CAMTA1: variants seen among roughly 807,000 people sequenced by gnomAD.
CAMTA1 encodes calmodulin-binding transcription activator 1.
A neutral mutation model predicts 170.9 loss-of-function variants in CAMTA1; 27 were observed. The observed-to-expected ratio is 0.16, with a 90% confidence interval of 0.12 to 0.22. The LOEUF (loss-of-function observed/expected upper bound fraction) is 0.22. Among genes scored for constraint, CAMTA1 ranks in the 10% least tolerant of loss-of-function variants. The pLI is 1.00. For synonymous variants in CAMTA1, 833 were observed against 891.5 expected (o/e 0.93, Z 1.17); for missense variants, 1,619 against 2,217.2 (o/e 0.73, Z 5.42).
intron 6 of CAMTA1, among the ~76,000 whole-genome samples, chr1:7,573,225 G>T (rs1183754491): frequency 6.6e-6 from 1 of 152,166 alleles, no homozygotes; most frequent in Non-Finnish European, 1.5e-5. Context: ...CCAGGGCCCT[G>T]CTCCCCAGAA....
chr1:7,625,220 C>G (rs76888273), intron 6 of CAMTA1, among the ~76,000 whole-genome samples: 4,850 of 152,278 alleles, frequency 0.032, 262 homozygotes, highest in African/African-American at 0.11. Flanking sequence ...AAAGGCAGAC[C>G]AGTCAGGAGG....
At chr1:7,727,335 G>A (rs1213078335) in intron 11 of CAMTA1, among the ~76,000 whole-genome samples, 3 of 152,120 alleles carry the variant, frequency 2.0e-5, no homozygotes, top group Non-Finnish European at 4.4e-5. Context: ...TGTTAGCCAG[G>A]ATGGTCTGGA....
At chr1:7,714,418 G>A (rs1422488780) in intron 11 of CAMTA1, among the ~76,000 whole-genome samples, 2 of 152,166 alleles carry the variant, frequency 1.3e-5, no homozygotes, top group Non-Finnish European at 2.9e-5. Context: ...GAATCGCTTC[G>A]ATGAAATGGT....
intron 5 of CAMTA1, chr1:7,382,845 TAGATAGATAGATAG>T (rs2087494867): frequency 9.7e-6 from 1 of 103,216 alleles, no homozygotes. Flanking sequence ...GATAGATAGA[TAGATAGATAGATAG>T]ATAGATAGAT....
At chr1:7,425,027 A>G (rs2091801203) in intron 5 of CAMTA1, among the ~76,000 whole-genome samples, 1 of 152,102 alleles carries the variant, frequency 6.6e-6, no homozygotes, top group African/African-American at 2.4e-5. Flanking sequence ...CTGTGCCCTT[A>G]GACCTGAGAG....
intron 4 of CAMTA1, among the ~76,000 whole-genome samples, chr1:7,143,912 T>C (rs1646030767): frequency 6.6e-6 from 1 of 152,236 alleles, no homozygotes; most frequent in Non-Finnish European, 1.5e-5. Flanking sequence ...AAATAGTTTC[T>C]ATTCAAGTTC....
At chr1:7,219,125 T>C (rs1660267171) in intron 4 of CAMTA1, among the ~76,000 whole-genome samples, 4 of 152,342 alleles carry the variant, frequency 2.6e-5, no homozygotes, top group Non-Finnish European at 1.5e-5. Context: ...AGGTGAAGTG[T>C]CTCCCCTGTA....
rs1396827077 is a variant in CAMTA1, at chr1:7,044,837, T to C, written c.235-46467T>C. On this transcript the variant is annotated intron_variant, in intron 3 of 22. Transcript: ENST00000303635. This position sits in a 1 kb window ranked among gnomAD's most constrained non-coding sequence, Gnocchi z 5.0. ...CCTCCTCTTCCCGCCTGTGGTTTTC[T>C]TTCCCATTCCTGTCTGCCAGCAGTG... 6.6e-6 allele frequency among the ~76,000 whole-genome samples: 1 copy of C among 150,432 alleles called. No homozygotes were observed. Among genetic ancestry groups the C allele is most frequent in the Non-Finnish European group, 1.5e-5 (1 of 67,636 alleles).
intron 4 of CAMTA1, among the ~76,000 whole-genome samples, chr1:7,114,752 C>T (rs952643772): frequency 4.3e-5 from 6 of 140,360 alleles, no homozygotes; most frequent in East Asian, 4.3e-4. Context: ...AGTCTGAGTC[C>T]GAAAACCTGA....
rs1460432437 is a variant in CAMTA1, at chr1:7,456,444, T to C, written c.439-11386T>C. ...GGAATTTCACTTTATTTATATATTA[T>C]TTATGCCCAGTACTTTTAGGAAGTA... On this transcript the variant is annotated intron_variant, in intron 5 of 22. Transcript: ENST00000303635. The surrounding 1 kb of genome is among the most constrained non-coding windows in gnomAD (Gnocchi z 4.9). Among the ~76,000 whole-genome samples, 2 of 152,210 alleles carry C rather than the reference T, an allele frequency of 1.3e-5. No individual in the cohort carries two copies. The highest frequency in any genetic ancestry group is 2.9e-5 in the Non-Finnish European group (2 of 68,042).
At chr1:6,924,926 T>G (rs1370491530) in intron 3 of CAMTA1, among the ~76,000 whole-genome samples, 1 of 152,242 alleles carries the variant, frequency 6.6e-6, no homozygotes, top group Non-Finnish European at 1.5e-5. Context: ...TTTTTTCATG[T>G]GACATTGGTG....
chr1:7,605,618 CCCTTTGTG>C (rs2095480132), intron 6 of CAMTA1, among the ~76,000 whole-genome samples: 1 of 152,210 alleles, frequency 6.6e-6, no homozygotes, highest in African/African-American at 2.4e-5. Flanking sequence ...AATTCCCTGA[CCCTTTGTG>C]CTTCCCAGGT....
chr1:7,475,981 C>T (rs545740900), intron 6 of CAMTA1, among the ~76,000 whole-genome samples: 1 of 152,192 alleles, frequency 6.6e-6, no homozygotes, highest in South Asian at 2.1e-4. Context: ...ATGTGCTGGC[C>T]TCACAGGGAC....
At chr1:7,261,556 G>A (rs537638176) in intron 5 of CAMTA1, among the ~76,000 whole-genome samples, 8 of 152,328 alleles carry the variant, frequency 5.3e-5, no homozygotes, top group South Asian at 2.1e-4. Context: ...CAACAAGGCC[G>A]CCAAGCACAT....
In CAMTA1 at chr1:7,562,374, CT is replaced by C. The variant is rs778381890; in HGVS notation, c.511-78025del. On this transcript the variant is annotated intron_variant, in intron 6 of 22. Coordinates refer to ENST00000303635, the MANE Select transcript of CAMTA1 (RefSeq NM_015215.4). The surrounding 1 kb of genome is among the most constrained non-coding windows in gnomAD (Gnocchi z 4.8). ...AGTGTAACTCAGTTGGGTATCAGGG[CT>C]GGTGGCAGCAGCAGGGCAGGCCGCG... Among the ~76,000 whole-genome samples the C allele has an allele frequency of 1.4e-4, 21 of 152,224 alleles. No individual in the cohort carries two copies. Among genetic ancestry groups the C allele is most frequent in the Non-Finnish European group, 3.1e-4 (21 of 68,036 alleles).
chr1:7,359,661 GCAGATGGGC>G (rs1427907232), intron 5 of CAMTA1, among the ~76,000 whole-genome samples: 2 of 152,192 alleles, frequency 1.3e-5, no homozygotes, highest in Non-Finnish European at 1.5e-5. Flanking sequence ...GAGGCAGTCT[GCAGATGGGC>G]CAGTGGACCA....
intron 5 of CAMTA1, among the ~76,000 whole-genome samples, chr1:7,440,651 G>A (rs539202145): frequency 6.6e-6 from 1 of 152,258 alleles, no homozygotes; most frequent in African/African-American, 2.4e-5. Context: ...TGAAGGTGTG[G>A]TCCCCGGATC....
intron 6 of CAMTA1, among the ~76,000 whole-genome samples, chr1:7,628,767 CAG>C (rs2095649651): frequency 1.3e-5 from 2 of 152,264 alleles, no homozygotes; most frequent in South Asian, 2.1e-4. Context: ...ATGGAAGAGA[CAG>C]GGGAGGGCAG....
At chr1:6,914,598 C>T (rs1321377976) in intron 3 of CAMTA1, among the ~76,000 whole-genome samples, 1 of 152,230 alleles carries the variant, frequency 6.6e-6, no homozygotes, top group Non-Finnish European at 1.5e-5. Flanking sequence ...AGTGGTTAGG[C>T]TGTGTGGGGT....
Sources: allele counts gnomAD v4.1 joint callset (sites outside exome capture counted in the v4.1 genomes callset), GRCh38; gene constraint gnomAD v4.1.1; non-coding constraint Gnocchi (gnomAD v3.1); transcripts MANE v1.5; gene names NCBI Gene and HGNC (gene_info 2026-07-23, HGNC 2026-07-21).